EDA: variants seen among roughly 807,000 people sequenced by gnomAD.
EDA encodes the protein ectodysplasin-A.
A neutral mutation model predicts 23.6 loss-of-function variants in EDA; 2 were observed. The observed-to-expected ratio is 0.08, with a 90% confidence interval of 0.03 to 0.27. EDA has a LOEUF of 0.27. Ranked by LOEUF, EDA falls within the 10% of genes least tolerant of loss-of-function variation. The pLI, the probability that EDA is intolerant of heterozygous loss-of-function variation, is 1.00. For synonymous variants in EDA, 131 were observed against 132.0 expected (o/e 0.99, Z 0.05); for missense variants, 229 against 324.2 (o/e 0.71, Z 2.26).
At chrX:69,676,294 GAAGT>G (rs1456927581) in intron 1 of EDA, among the ~76,000 whole-genome samples, 1 of 111,701 alleles carries the variant, frequency 9.0e-6, no homozygotes, top group Non-Finnish European at 1.9e-5. Context: ...GTAGAAGCAG[GAAGT>G]AAGTAAGGGG....
intron 1 of EDA, among the ~76,000 whole-genome samples, chrX:69,684,199 G>A (rs770837769): frequency 6.3e-5 from 7 of 111,321 alleles, no homozygotes; most frequent in Admixed American, 9.5e-5. Flanking sequence ...ATATTTCCTC[G>A]CCAACAGCTG....
rs761515752 is a variant in EDA at position 69,782,029 on chromosome X, G to T, written c.396+165325G>T. Among the ~76,000 whole-genome samples the T allele has an allele frequency of 1.9e-3, 208 of 109,545 alleles. 1 individual carries two copies. The highest frequency in any genetic ancestry group is 6.7e-3 in the African/African-American group (201 of 30,113). ...TTGGAGAGAAAAGACAAGTTGGGTA[G>T]ACTTTGGAGGATACGGCAGGTGCTA... On this transcript the variant is annotated intron_variant, in intron 1 of 7. Transcript: ENST00000374552.
intron 1 of EDA, among the ~76,000 whole-genome samples, chrX:69,923,417 G>T (rs185739037): frequency 9.0e-6 from 1 of 110,979 alleles, no homozygotes. Context: ...GTGTTAGTTT[G>T]CTGAGATGAT....
At chrX:69,736,694 G>A (rs866766720) in intron 1 of EDA, among the ~76,000 whole-genome samples, 1 of 108,858 alleles carries the variant, frequency 9.2e-6, no homozygotes, top group Middle Eastern at 4.7e-3. Flanking sequence ...AGTGTTGCCA[G>A]TTAATTGATT....
At chrX:69,937,639 C>G in intron 1 of EDA, 2 of 1,109,898 alleles carry the variant, frequency 1.8e-6, no homozygotes, top group South Asian at 1.8e-5. Flanking sequence ...CCTTCCTCAT[C>G]ATGTTTTTTA....
intron 1 of EDA, 80 bp downstream of exon 1, chrX:69,616,784 G>A: frequency 8.6e-7 from 1 of 1,168,128 alleles, no homozygotes; most frequent in Non-Finnish European, 1.2e-6. Flanking sequence ...GGGCCTGGGA[G>A]CACTCAGCAA....
intron 5 of EDA, 140 bp downstream of exon 5, chrX:70,029,678 C>T (rs2020171835): frequency 1.6e-6 from 1 of 644,389 alleles, no homozygotes; most frequent in Non-Finnish European, 2.5e-6. Flanking sequence ...TCACTCACAG[C>T]CCCCTCCCAT....
chrX:69,828,871 A>G (rs1320983468), intron 1 of EDA, among the ~76,000 whole-genome samples: 1 of 112,237 alleles, frequency 8.9e-6, no homozygotes, highest in Non-Finnish European at 1.9e-5. Context: ...CAGCTAGTGT[A>G]CCCTTCAGTT....
At chrX:69,779,114 T>C (rs773753435) in intron 1 of EDA, among the ~76,000 whole-genome samples, 189 of 111,623 alleles carry the variant, frequency 1.7e-3, no homozygotes, top group African/African-American at 5.5e-3. Flanking sequence ...AGAAACAGTT[T>C]GGCAGTTCCT....
chrX:69,664,917 A>G (rs1413995786), intron 1 of EDA, among the ~76,000 whole-genome samples: 2 of 111,958 alleles, frequency 1.8e-5, no homozygotes, highest in East Asian at 5.6e-4. Context: ...ATACCAATCT[A>G]CATCCCTACC....
intron 1 of EDA, among the ~76,000 whole-genome samples, chrX:69,889,885 T>C (rs1004151277): frequency 4.5e-5 from 5 of 111,891 alleles, no homozygotes; most frequent in Non-Finnish European, 7.5e-5. Flanking sequence ...ACTTCATATC[T>C]GTTTTCTTCT....
intron 1 of EDA, chrX:69,617,679 CCAAGGATCCTTTCGAGGTGG>C (rs1932029221): frequency 1.4e-4 from 45 of 327,793 alleles, no homozygotes; most frequent in South Asian, 1.3e-3. Context: ...GGAGAAGCAT[CCAAGGATCCTTTCGAGGTGG>C]CTAAAGAATA....
At chrX:69,968,353 GAAGAA>G (rs1488180784) in intron 2 of EDA, among the ~76,000 whole-genome samples, 1 of 111,945 alleles carries the variant, frequency 8.9e-6, no homozygotes, top group African/African-American at 3.2e-5. Context: ...GGACTTTGAT[GAAGAA>G]AGCTAGACAA....
At chrX:69,669,473 T>G (rs1161605969) in intron 1 of EDA, among the ~76,000 whole-genome samples, 1 of 111,564 alleles carries the variant, frequency 9.0e-6, no homozygotes, top group Admixed American at 9.5e-5. Context: ...ACCGTGATGC[T>G]TACATAAAAC....
intron 1 of EDA, among the ~76,000 whole-genome samples, chrX:69,793,412 T>C (rs1407884538): frequency 9.3e-6 from 1 of 107,901 alleles, no homozygotes; most frequent in Non-Finnish European, 1.9e-5. Flanking sequence ...AACACACCAG[T>C]CAAATGGTTC....
intron 4 of EDA, 33 bp downstream of exon 4, chrX:70,028,069 G>A: frequency 8.4e-7 from 1 of 1,191,729 alleles, no homozygotes; most frequent in Middle Eastern, 3.1e-4. Flanking sequence ...CCCACCAGGT[G>A]CCTTTAAAGT....
At chrX:69,793,094 T>C (rs6625510) in intron 1 of EDA, among the ~76,000 whole-genome samples, 1,258 of 112,379 alleles carry the variant, frequency 0.011, 18 homozygotes, top group African/African-American at 0.039. Context: ...GTTTTTATGG[T>C]TTCACATCTT....
At chrX:69,699,485 G>A (rs1032657460) in intron 1 of EDA, among the ~76,000 whole-genome samples, 2 of 111,141 alleles carry the variant, frequency 1.8e-5, no homozygotes, top group African/African-American at 3.3e-5. Context: ...AGTACACTGC[G>A]GTGAGCTAGC....
intron 1 of EDA, among the ~76,000 whole-genome samples, chrX:69,696,413 A>G (rs937883125): frequency 2.7e-5 from 3 of 111,914 alleles, no homozygotes; most frequent in African/African-American, 9.7e-5. Flanking sequence ...TACTTTCATA[A>G]GATTTATCTT....
Sources: gnomAD v4.1 joint callset for allele counts (sites outside exome capture counted in the v4.1 genomes callset) on GRCh38, gnomAD v4.1.1 for gene constraint, MANE v1.5 for transcripts, NCBI Gene and HGNC (gene_info 2026-07-23, HGNC 2026-07-21) for gene names.